BRINP3: variants seen among roughly 807,000 people sequenced by gnomAD.
BRINP3 encodes BMP/retinoic acid-inducible neural-specific protein 3.
A neutral mutation model predicts 71.0 loss-of-function variants in BRINP3; 19 were observed. The ratio of observed to expected loss-of-function variants is 0.27; its 90% CI spans 0.19 to 0.39. The LOEUF (loss-of-function observed/expected upper bound fraction) is 0.39, where lower values mean the gene tolerates loss of function less well. Ranked by LOEUF, BRINP3 falls within the 10% of genes least tolerant of loss-of-function variation. The probability of loss-of-function intolerance (pLI) is 1.00; values close to 1 mark genes in which losing one functional copy is unlikely to be tolerated. For missense variants in BRINP3, 959 were observed against 940.8 expected (o/e 1.02, Z -0.25); for synonymous variants, 380 against 337.7 (o/e 1.13, Z -1.37).
At chr1:190,389,435 T>C (rs1296296388) in intron 2 of BRINP3, among the ~76,000 whole-genome samples, 2 of 151,850 alleles carry the variant, frequency 1.3e-5, no homozygotes, top group African/African-American at 2.4e-5. Context: ...TAGATTGTGA[T>C]AAAACAAAAT....
intron 6 of BRINP3, among the ~76,000 whole-genome samples, chr1:190,209,923 A>G (rs1655841452): frequency 6.6e-6 from 1 of 152,114 alleles, no homozygotes; most frequent in Admixed American, 6.6e-5. Flanking sequence ...GAAAAATAGT[A>G]CATTTCTTTG....
rs1670137457 is a variant in BRINP3 at position 190,375,624 on chromosome 1, T to C, written c.236+79031A>G. Among the ~76,000 whole-genome samples, 3 of 152,066 alleles carry C rather than the reference T, an allele frequency of 2.0e-5. No homozygotes were observed. The South Asian group carries it at 6.2e-4, about 32-fold the overall frequency. On this transcript the variant is annotated intron_variant, in intron 2 of 7. Coordinates refer to ENST00000367462, the MANE Select transcript of BRINP3 (RefSeq NM_199051.3). ...GGCAACACATATGAACAGGCAGTTATATAAATTGAGTCACAAGTTCATCAC... is the reference window on the plus strand; with the variant it reads ...GGCAACACATATGAACAGGCAGTTACATAAATTGAGTCACAAGTTCATCAC...
intron 2 of BRINP3, among the ~76,000 whole-genome samples, chr1:190,437,901 C>G (rs188735212): frequency 1.3e-5 from 2 of 151,528 alleles, no homozygotes; most frequent in African/African-American, 4.8e-5. Context: ...TAACGTTCTA[C>G]GGGATTTTGT....
chr1:190,216,108 A>G (rs191832457), intron 6 of BRINP3, among the ~76,000 whole-genome samples: 1 of 151,390 alleles, frequency 6.6e-6, no homozygotes, highest in East Asian at 1.9e-4. Context: ...TTTTTCTGGC[A>G]ATTTTGGTAA....
chr1:190,280,655 G>T (rs1662965343), intron 3 of BRINP3, among the ~76,000 whole-genome samples: 1 of 151,858 alleles, frequency 6.6e-6, no homozygotes, highest in Non-Finnish European at 1.5e-5. Flanking sequence ...CCATACCATT[G>T]CTGCGAATCA....
At chr1:190,159,646 G>C (rs1378791149) in intron 7 of BRINP3, among the ~76,000 whole-genome samples, 1 of 152,032 alleles carries the variant, frequency 6.6e-6, no homozygotes. Context: ...GAGACAAATA[G>C]TAGATTAGAC....
At chr1:190,286,781 A>G (rs1663457417) in intron 2 of BRINP3, among the ~76,000 whole-genome samples, 1 of 152,140 alleles carries the variant, frequency 6.6e-6, no homozygotes, top group African/African-American at 2.4e-5. Context: ...AACAAAAATC[A>G]CAAATTAACT....
At chr1:190,454,153 C>T (rs1214685793) in intron 2 of BRINP3, among the ~76,000 whole-genome samples, 1 of 152,090 alleles carries the variant, frequency 6.6e-6, no homozygotes, top group Non-Finnish European at 1.5e-5. Context: ...CTATCATGTC[C>T]TATTTATCTG....
intron 6 of BRINP3, among the ~76,000 whole-genome samples, chr1:190,195,403 G>C (rs2102589737): frequency 6.6e-6 from 1 of 151,996 alleles, no homozygotes; most frequent in Admixed American, 6.6e-5. Flanking sequence ...AAAATCTGAA[G>C]GCACTCCCTT....
chr1:190,452,203 C>A (rs1308061650), intron 2 of BRINP3, among the ~76,000 whole-genome samples: 1 of 151,936 alleles, frequency 6.6e-6, no homozygotes, highest in Non-Finnish European at 1.5e-5. Context: ...ATATTAAAGA[C>A]AAAACTTGCT....
In BRINP3 at chr1:190,347,973, G is replaced by A. The variant is rs567545885; in HGVS notation, c.237-66223C>T. On this transcript the variant is annotated intron_variant, in intron 2 of 7. Transcript: ENST00000367462. ...TAAAATATAAATGCAATCATAAGTA[G>A]GAGCATAAGTTGAAACAGCAATATT... Among the ~76,000 whole-genome samples, 12 of 152,196 alleles carry A rather than the reference G, an allele frequency of 7.9e-5. No homozygotes were observed. In the South Asian group the frequency reaches 2.5e-3, roughly 32 times the overall value.
chr1:190,176,939 T>C (rs1036246046), intron 6 of BRINP3, among the ~76,000 whole-genome samples: 3 of 152,174 alleles, frequency 2.0e-5, no homozygotes, highest in Non-Finnish European at 4.4e-5. Flanking sequence ...CCATTAGTCA[T>C]CAACCCAAAA....
chr1:190,377,856 G>A (rs879715777), intron 2 of BRINP3, among the ~76,000 whole-genome samples: 25 of 151,938 alleles, frequency 1.6e-4, no homozygotes, highest in Admixed American at 1.4e-3. Flanking sequence ...AAATATTGCC[G>A]AAAGAAATTA....
chr1:190,149,163 T>C (rs1656169209), intron 7 of BRINP3, among the ~76,000 whole-genome samples: 1 of 152,222 alleles, frequency 6.6e-6, no homozygotes, highest in African/African-American at 2.4e-5. Context: ...ACTTAATACA[T>C]GTTAGCTAAT....
rs1219647067 is a variant in BRINP3, at chr1:190,099,098, A to G, written c.1221T>C (p.Phe407=). 1.2e-6 allele frequency: 2 copies of G among 1,613,916 alleles called. No individual in the cohort carries two copies. The highest frequency in any genetic ancestry group is 1.3e-5 in the African/African-American group (1 of 74,920). Residue 407 remains phenylalanine (F), a synonymous_variant, in exon 8 of 8, where the codon TTT becomes TTC. Coordinates refer to ENST00000367462, the MANE Select transcript of BRINP3 (RefSeq NM_199051.3). ...GGAGGCCGTTCTCATTGCAGTAGAG[A>G]AAAGACTGGATGCGAGTAAGCCAGT... is the stretch of plus-strand genomic sequence containing the variant. ...STYWLTRIQS[F]LYCNENGLLG...
At chr1:190,278,589 T>C (rs1418796646) in intron 3 of BRINP3, among the ~76,000 whole-genome samples, 1 of 151,654 alleles carries the variant, frequency 6.6e-6, no homozygotes, top group African/African-American at 2.4e-5. Flanking sequence ...AATTATTAAC[T>C]TTAATGAACA....
At chr1:190,353,503 A>C (rs546930227) in intron 2 of BRINP3, among the ~76,000 whole-genome samples, 1 of 152,184 alleles carries the variant, frequency 6.6e-6, no homozygotes, top group South Asian at 2.1e-4. Context: ...TTGAGGACTT[A>C]GTTAAAATTA....
At chr1:190,452,851 C>T (rs1339849493) in intron 2 of BRINP3, among the ~76,000 whole-genome samples, 1 of 151,928 alleles carries the variant, frequency 6.6e-6, no homozygotes, top group Non-Finnish European at 1.5e-5. Flanking sequence ...AACGAGACTC[C>T]GTCCCAAAAA....
At chr1:190,370,369 T>C (rs1255450549) in intron 2 of BRINP3, among the ~76,000 whole-genome samples, 1 of 152,068 alleles carries the variant, frequency 6.6e-6, no homozygotes. Context: ...CCTAGATAAA[T>C]GGATAATTTT....
Sources: allele counts gnomAD v4.1 joint callset (sites outside exome capture counted in the v4.1 genomes callset), GRCh38; gene constraint gnomAD v4.1.1; transcripts MANE v1.5; gene names NCBI Gene and HGNC (gene_info 2026-07-23, HGNC 2026-07-21).